The following RASA3 variants were observed in gnomAD, a reference collection of about 807,000 sequenced individuals.
RASA3 encodes RAS p21 protein activator 3.
Under a neutral mutation model 110.0 loss-of-function variants are expected in RASA3, and 73 were observed. That is an observed-to-expected ratio of 0.66 (90% CI 0.55 to 0.81). The LOEUF (loss-of-function observed/expected upper bound fraction) is 0.81, where lower values mean the gene tolerates loss of function less well. Ranked by LOEUF, RASA3 falls within the 30% of genes least tolerant of loss-of-function variation. The pLI is 0.00. For synonymous variants in RASA3, 500 were observed against 451.4 expected (o/e 1.11, Z -1.37); for missense variants, 976 against 1,113.2 (o/e 0.88, Z 1.75).
At chr13:114,073,899 G>C in intron 1 of RASA3, 62 bp from the exon 2 acceptor site, 1 of 1,362,470 alleles carries the variant, frequency 7.3e-7, no homozygotes, top group Non-Finnish European at 1.1e-6. Flanking sequence ...CTGCTACATC[G>C]CAGACACGTT....
intron 5 of RASA3, 45 bp from the exon 6 acceptor site, chr13:114,027,972 C>T: frequency 6.5e-7 from 1 of 1,528,112 alleles, no homozygotes; most frequent in Non-Finnish European, 9.0e-7. Flanking sequence ...GCGCAGACAC[C>T]TGGGCGAATG....
At chr13:114,127,289 C>T (rs1255341475) in intron 1 of RASA3, among the ~76,000 whole-genome samples, 4 of 152,230 alleles carry the variant, frequency 2.6e-5, no homozygotes, top group South Asian at 2.1e-4. Flanking sequence ...GGGCTGCCTC[C>T]GGGGTCCACA....
At position 114,061,761 on chromosome 13, in the gene RASA3, C is replaced by T. The variant is rs112845198; in HGVS notation, c.174-9606G>A. Among the ~76,000 whole-genome samples the T allele has an allele frequency of 4.6e-5, 7 of 152,202 alleles. 1 individual carries two copies. The highest frequency in any genetic ancestry group is 1.4e-4 in the African/African-American group (6 of 41,540). On this transcript the variant is annotated intron_variant, in intron 2 of 23. Coordinates refer to ENST00000334062, the MANE Select transcript of RASA3 (RefSeq NM_007368.4). The stretch of plus-strand genomic sequence containing the variant: ...CATGGAGTCTAACACGATCCTTAAG[C>T]GAACTGCTCATTACAAAGCGTGGCA...
chr13:114,077,789 G>A, intron 1 of RASA3: 1 of 976,872 alleles, frequency 1.0e-6, no homozygotes, highest in Non-Finnish European at 1.2e-6. Context: ...CCCGCCCGAT[G>A]GCCCCGTCTT....
chr13:114,061,578 G>A (rs927495654), intron 2 of RASA3, among the ~76,000 whole-genome samples: 1 of 151,408 alleles, frequency 6.6e-6, no homozygotes, highest in African/African-American at 2.4e-5. Flanking sequence ...TCAGGAGGCT[G>A]AGGCAGGAGA....
intron 17 of RASA3, 96 bp from the exon 18 acceptor site, chr13:114,007,702 T>C: frequency 2.0e-6 from 2 of 1,005,306 alleles, no homozygotes; most frequent in Admixed American, 1.8e-5. Flanking sequence ...ACTGCCTCCT[T>C]TGTAATACCA....
At position 114,015,287 on chromosome 13, in the gene RASA3, C is replaced by CA; in HGVS notation, c.1326dup (p.Glu443Ter). 1 of 1,613,214 alleles carries CA rather than the reference C, an allele frequency of 6.2e-7. No homozygotes were observed. Among genetic ancestry groups the CA allele is most frequent in the South Asian group, 1.1e-5 (1 of 91,088 alleles). ...ACGGTCGGGCAGCTCACCCCAGACT[C>CA]AGTGATGGCGTGGAAGACGCGGTCC... On this transcript the variant is annotated frameshift_variant, in exon 14 of 24. Transcript: ENST00000334062. LOFTEE classifies it high-confidence loss of function.
rs367963683 is a variant in RASA3, at chr13:113,999,747, C to T, written c.1850-80G>A. 27 of 787,318 alleles carry T rather than the reference C, an allele frequency of 3.4e-5. No individual in the cohort carries two copies. In the East Asian group the frequency reaches 7.6e-4, roughly 22 times the overall value. The allele number at this position is 787,318 out of a possible 1,614,324, so 48.8% of individuals were successfully genotyped here. A position where few individuals can be genotyped will look rare whatever the true frequency, so the allele number is the denominator to read the frequency against. Reference sequence around the variant, plus strand: ...CCGGGTGGGGCTGAGGGGTCTCTGCCGGGGGGTCTCCCAGGGGGTCTTTAC... The same window carrying T: ...CCGGGTGGGGCTGAGGGGTCTCTGCTGGGGGGTCTCCCAGGGGGTCTTTAC... On this transcript the variant is annotated intron_variant, in intron 19 of 23. Coordinates refer to ENST00000334062, the MANE Select transcript of RASA3 (RefSeq NM_007368.4).
chr13:114,125,645 T>C (rs2080436748), intron 1 of RASA3, among the ~76,000 whole-genome samples: 1 of 152,186 alleles, frequency 6.6e-6, no homozygotes, highest in Admixed American at 6.5e-5. Context: ...TTGCTTCTAC[T>C]GTTTGCTATT....
Position 114,021,285 on chromosome 13 carries a change from G to A in RASA3, c.785+119C>T, listed in dbSNP as rs531071156. The A allele has an allele frequency of 7.6e-6, 6 of 790,736 alleles. No homozygotes were observed. The East Asian group carries it at 1.0e-4, about 14-fold the overall frequency. 49.0% of individuals were successfully genotyped at this position (790,736 alleles called of 1,614,324 possible). ...AGCTACATGCAAAGTAAGAGCAGGT[G>A]GGTGCTGGGCACAGCCGAGGACCAG... On this transcript the variant is annotated intron_variant, in intron 9 of 23. Transcript: ENST00000334062.
At chr13:114,004,646 C>T (rs1320964014) in intron 18 of RASA3, among the ~76,000 whole-genome samples, 3 of 152,286 alleles carry the variant, frequency 2.0e-5, no homozygotes, top group South Asian at 2.1e-4. Context: ...AAATGACAGA[C>T]GCTGCAGAGC....
intron 21 of RASA3, 71 bp from the exon 22 acceptor site, chr13:113,992,659 T>C: frequency 8.7e-7 from 1 of 1,155,782 alleles, no homozygotes; most frequent in Middle Eastern, 1.9e-4. Flanking sequence ...ATGACATTCA[T>C]TTTTAAAATG....
At chr13:114,017,199 C>T (rs373057686) in intron 12 of RASA3, 38 bp downstream of exon 12, 43 of 1,560,410 alleles carry the variant, frequency 2.8e-5, no homozygotes, top group South Asian at 4.4e-5. Context: ...ATCCTCCCCA[C>T]GCCTCGTGAG....
intron 1 of RASA3, among the ~76,000 whole-genome samples, chr13:114,111,900 G>A (rs1360707040): frequency 6.6e-6 from 1 of 152,198 alleles, no homozygotes; most frequent in Non-Finnish European, 1.5e-5. Context: ...TCTTGGTTGG[G>A]GTTGGGGCCC....
intron 1 of RASA3, among the ~76,000 whole-genome samples, chr13:114,102,298 G>A (rs1326436146): frequency 1.3e-5 from 2 of 152,154 alleles, no homozygotes; most frequent in Non-Finnish European, 2.9e-5. Context: ...CCCCAGCCAG[G>A]AGCCCAGAGG....
intron 1 of RASA3, among the ~76,000 whole-genome samples, chr13:114,081,957 C>T (rs1051212928): frequency 7.2e-5 from 11 of 152,214 alleles, no homozygotes; most frequent in East Asian, 1.9e-4. Context: ...CTGCACTCAC[C>T]GGCTGCAGCT....
chr13:114,025,592 CTCT>C (rs1436464120), intron 7 of RASA3, among the ~76,000 whole-genome samples: 1 of 152,194 alleles, frequency 6.6e-6, no homozygotes, highest in Non-Finnish European at 1.5e-5. Flanking sequence ...CCTTGGACTC[CTCT>C]GTTTTCTGCC....
intron 1 of RASA3, among the ~76,000 whole-genome samples, chr13:114,121,181 G>A (rs540466254): frequency 6.6e-6 from 1 of 152,236 alleles, no homozygotes; most frequent in Admixed American, 6.5e-5. Flanking sequence ...AAGTAGAAAG[G>A]CAGGTGCATC....
intron 15 of RASA3, among the ~76,000 whole-genome samples, chr13:114,012,555 C>T (rs2053658389): frequency 6.7e-6 from 1 of 148,618 alleles, no homozygotes; most frequent in South Asian, 2.2e-4. Context: ...CATGCACACT[C>T]CCCATGCATT....
Sources: allele counts gnomAD v4.1 joint callset (sites outside exome capture counted in the v4.1 genomes callset), GRCh38; gene constraint gnomAD v4.1.1; transcripts MANE v1.5; gene names NCBI Gene and HGNC (gene_info 2026-07-23, HGNC 2026-07-21).